CAST: variants seen among roughly 807,000 people sequenced by gnomAD.
The protein encoded by CAST is MIR583 host.
Under a neutral mutation model 119.6 loss-of-function variants are expected in CAST, and 76 were observed. The observed-to-expected ratio is 0.64, with a 90% confidence interval of 0.53 to 0.77. The LOEUF is 0.77. Among genes scored for constraint, CAST ranks in the 30% least tolerant of loss-of-function variants. The pLI, the probability that CAST is intolerant of heterozygous loss-of-function variation, is 0.00. For synonymous variants in CAST, 319 were observed against 331.6 expected (o/e 0.96, Z 0.41); for missense variants, 953 against 946.5 (o/e 1.01, Z -0.09).
chr5:96,008,624 A>G, the CAST span, among the ~76,000 whole-genome samples: 1 of 152,164 alleles, frequency 6.6e-6, no homozygotes, highest in Non-Finnish European at 1.5e-5. Flanking sequence ...ATTCAAAACA[A>G]ACAACATAAT....
At chr5:96,189,756 GA>G in the CAST span, among the ~76,000 whole-genome samples, 1 of 151,714 alleles carries the variant, frequency 6.6e-6, no homozygotes, top group South Asian at 2.1e-4. Flanking sequence ...TTTTGCATTG[GA>G]AAAAACTTTT....
chr5:96,767,444 C>A lies in CAST; in HGVS notation c.2137C>A (p.Pro713Thr), dbSNP rs781469393. Residue 713 changes from proline (P) to threonine (T), a missense_variant, in exon 28 of 32, where the codon CCA becomes ACA. By Grantham distance (38) the Pro-to-Thr change is conservative (BLOSUM62 -1). Coordinates refer to ENST00000675179, the MANE Select transcript of CAST (RefSeq NM_001750.7). ...HLLDDNGQDKPVKPPTKKSED... is the reference protein window; with the variant it reads ...HLLDDNGQDKTVKPPTKKSED... ...AGTCTGCCTTCTTTTTAAGGACAAA[C>A]CAGTGAAGCCACCTACAAAGAAATC... 1 of 1,611,968 alleles carries A rather than the reference C, an allele frequency of 6.2e-7. No homozygotes were observed. Among genetic ancestry groups the A allele is most frequent in the South Asian group, 1.1e-5 (1 of 91,032 alleles).
At chr5:96,195,750 C>T in the CAST span, among the ~76,000 whole-genome samples, 542 of 152,126 alleles carry the variant, frequency 3.6e-3, 2 homozygotes, top group African/African-American at 0.013. Context: ...AATATGGATG[C>T]GCAAATTGCC....
At chr5:96,208,197 T>C in the CAST span, among the ~76,000 whole-genome samples, 22 of 152,010 alleles carry the variant, frequency 1.4e-4, no homozygotes, top group Non-Finnish European at 2.2e-4. Flanking sequence ...TGTGTTTATT[T>C]GGATCTTCTC....
the CAST span, among the ~76,000 whole-genome samples, chr5:96,056,500 G>T: frequency 1.3e-5 from 2 of 152,116 alleles, no homozygotes; most frequent in Admixed American, 6.6e-5. Context: ...CAGATGGGTT[G>T]TTTTATTGGG....
intron 3 of CAST, among the ~76,000 whole-genome samples, chr5:96,700,143 G>A (rs1753712841): frequency 6.6e-6 from 1 of 152,150 alleles, no homozygotes; most frequent in Admixed American, 6.5e-5. Context: ...GACATTCAGT[G>A]CCAGCATCAG....
At chr5:96,024,380 T>C in the CAST span, among the ~76,000 whole-genome samples, 3 of 152,214 alleles carry the variant, frequency 2.0e-5, no homozygotes, top group South Asian at 6.2e-4. Context: ...GGAACAATTT[T>C]AATAATCTTT....
At chr5:96,100,295 G>C in the CAST span, among the ~76,000 whole-genome samples, 1 of 152,202 alleles carries the variant, frequency 6.6e-6, no homozygotes, top group Non-Finnish European at 1.5e-5. Flanking sequence ...TTAGATGTGA[G>C]TGCTGTGTGA....
intron 22 of CAST, among the ~76,000 whole-genome samples, chr5:96,755,804 C>T (rs559704188): frequency 2.0e-5 from 3 of 152,300 alleles, no homozygotes; most frequent in African/African-American, 7.2e-5. Context: ...CAGTTGCAGC[C>T]ATAGCGTTTC....
chr5:96,760,441 A>C (rs183053197), intron 24 of CAST, among the ~76,000 whole-genome samples: 2 of 152,114 alleles, frequency 1.3e-5, no homozygotes, highest in East Asian at 3.9e-4. Context: ...TTTAGTTTTC[A>C]GAATCAAATA....
At chr5:96,461,424 A>G in the CAST span, among the ~76,000 whole-genome samples, 1 of 152,078 alleles carries the variant, frequency 6.6e-6, no homozygotes, top group East Asian at 1.9e-4. Context: ...CTTTTTGAGG[A>G]ATTTTCTAGA....
chr5:96,641,490 A>G (rs1411656864), intron 1 of CAST, among the ~76,000 whole-genome samples: 2 of 152,218 alleles, frequency 1.3e-5, no homozygotes, highest in South Asian at 2.1e-4. Flanking sequence ...TGCTGGGCCA[A>G]CAACTAACTA....
chr5:96,121,676 A>G, the CAST span, among the ~76,000 whole-genome samples: 1 of 152,150 alleles, frequency 6.6e-6, no homozygotes, highest in South Asian at 2.1e-4. Context: ...CAATGGGATC[A>G]TGTTATTAGT....
chr5:96,190,003 T>C, the CAST span, among the ~76,000 whole-genome samples: 3 of 152,336 alleles, frequency 2.0e-5, no homozygotes, highest in Non-Finnish European at 4.4e-5. Context: ...TCAGTTCTTA[T>C]TTTAGAATAA....
At chr5:96,494,898 A>T in the CAST span, among the ~76,000 whole-genome samples, 1 of 152,230 alleles carries the variant, frequency 6.6e-6, no homozygotes, top group East Asian at 1.9e-4. Flanking sequence ...CGGGCGGATC[A>T]CGAGGTCAGG....
the CAST span, among the ~76,000 whole-genome samples, chr5:96,454,577 G>T: frequency 2.0e-5 from 3 of 152,186 alleles, no homozygotes. Flanking sequence ...CAAGGCAATT[G>T]TTGAGTGTCT....
the CAST span, among the ~76,000 whole-genome samples, chr5:96,386,416 T>C: frequency 1.3e-5 from 2 of 152,210 alleles, no homozygotes; most frequent in African/African-American, 4.8e-5. Context: ...CCATTTCCAA[T>C]GTGGCATTAG....
chr5:96,388,208 T>A, the CAST span, among the ~76,000 whole-genome samples: 26 of 152,332 alleles, frequency 1.7e-4, 1 homozygote, highest in Admixed American at 1.3e-3. Flanking sequence ...GCATAATGAC[T>A]TCAGTCACCT....
At chr5:96,519,756 G>A in the CAST span, among the ~76,000 whole-genome samples, 3 of 152,024 alleles carry the variant, frequency 2.0e-5, no homozygotes, top group Non-Finnish European at 4.4e-5. Context: ...ACAGGTGCTC[G>A]TGATCATGCT....
Sources: allele counts gnomAD v4.1 joint callset (sites outside exome capture counted in the v4.1 genomes callset), GRCh38; gene constraint gnomAD v4.1.1; transcripts MANE v1.5; gene names NCBI Gene and HGNC (gene_info 2026-07-23, HGNC 2026-07-21).